The following OGFOD2 variants were observed in gnomAD, a reference collection of about 807,000 sequenced individuals.
The protein encoded by OGFOD2 is 2-oxoglutarate and iron dependent oxygenase domain containing 2, also known as 2-oxoglutarate and iron-dependent oxygenase domain-containing protein 2.
In OGFOD2, 34 loss-of-function variants were observed where a neutral mutation model predicts 31.1. That is an observed-to-expected ratio of 1.09 (90% CI 0.83 to 1.45). OGFOD2 has a LOEUF of 1.45. Ranked by LOEUF, OGFOD2 falls within the 40% of genes most tolerant of loss-of-function variation. The probability of loss-of-function intolerance (pLI) is 0.00; values close to 1 mark genes in which losing one functional copy is unlikely to be tolerated. For missense variants in OGFOD2, 537 were observed against 433.9 expected, an observed-to-expected ratio of 1.24 and a Z score of -2.11; for synonymous variants, 240 against 192.3, an observed-to-expected ratio of 1.25 and a Z score of -2.05.
At chr12:122,975,109 G>C, upstream of OGFOD2, 1 of 509,178 alleles carries the variant, frequency 2.0e-6, no homozygotes, top group Non-Finnish European at 3.6e-6. Flanking sequence ...TCCGCAGACC[G>C]TTTCCTGGCG....
chr12:122,978,456 T>C (rs2037497156), exon 5 of OGFOD2: 1 of 1,613,592 alleles, frequency 6.2e-7, no homozygotes. Flanking sequence ...GAAGCGCATC[T>C]ACCGGGTGCC....
chr12:122,977,076 C>T, intron 4 of OGFOD2, 106 bp downstream of exon 4: 2 of 1,081,426 alleles, frequency 1.8e-6, no homozygotes, highest in East Asian at 2.5e-5. Context: ...CCTCCAAAAA[C>T]CAAACCAGCA....
At chr12:122,976,446 G>A (rs1185287208) in intron 2 of OGFOD2, 2 of 1,602,564 alleles carry the variant, frequency 1.2e-6, no homozygotes, top group South Asian at 2.2e-5. Context: ...GGTTGGGGCA[G>A]CCTGAAACAG....
At chr12:122,977,372 G>T in intron 4 of OGFOD2, 5 of 298,650 alleles carry the variant, frequency 1.7e-5, no homozygotes, top group South Asian at 1.5e-4. Flanking sequence ...GGAGGGAGCA[G>T]TTACCACCTG....
At chr12:122,980,014 C>T (rs949299100) in exon 7 of OGFOD2, 79 of 432,574 alleles carry the variant, frequency 1.8e-4, no homozygotes, top group African/African-American at 1.5e-3. Context: ...GAGTCAAATG[C>T]GCTGACGTAT....
chr12:122,976,357 T>C, intron 2 of OGFOD2: 1 of 1,613,302 alleles, frequency 6.2e-7, no homozygotes. Context: ...ACACAGGACT[T>C]GGCCATGACT....
intron 4 of OGFOD2, 22 bp from the exon 5 acceptor site, chr12:122,978,420 C>A (rs774314066): frequency 6.2e-7 from 1 of 1,611,534 alleles, no homozygotes; most frequent in Non-Finnish European, 8.5e-7. Flanking sequence ...TTCAGGCCAA[C>A]AGACCATCCC....
At chr12:122,979,488 A>G in exon 7 of OGFOD2, 1 of 1,076,448 alleles carries the variant, frequency 9.3e-7, no homozygotes, top group South Asian at 1.7e-5. Flanking sequence ...ATGGGCAAAG[A>G]TGCTGCCTTA....
rs900387174 is a variant in OGFOD2 at position 122,975,850 on chromosome 12, C to T, written c.172C>T (p.Gln58Ter). The change falls in exon 2 of 7, where the codon CAG becomes TAG. Residue 58 changes from glutamine to a stop codon, truncating the protein, a stop_gained. Transcript: ENST00000228922. LOFTEE classifies it high-confidence loss of function. ...AGGCTGTGTTAGCGCCAAGGACTTC[C>T]AGCAGCTGTTAGCAGAGGTACCAGT... The T allele has an allele frequency of 4.1e-5, 29 of 702,876 alleles. No homozygotes were observed. The highest frequency in any genetic ancestry group is 2.3e-4 in the Middle Eastern group (1 of 4,392). The allele number at this position is 702,876 out of a possible 1,614,324, so 43.5% of individuals were successfully genotyped here.
chr12:122,975,691 T>G, intron 1 of OGFOD2, 120 bp from the exon 2 acceptor site: 1 of 658,290 alleles, frequency 1.5e-6, no homozygotes. Context: ...GTTCATTCTC[T>G]CCATGATCCT....
At chr12:122,977,134 GCATT>G in intron 4 of OGFOD2, 164 bp downstream of exon 4, 1 of 695,232 alleles carries the variant, frequency 1.4e-6, no homozygotes, top group East Asian at 2.7e-5. Context: ...CAGGACATCC[GCATT>G]CATTCATTCA....
chr12:122,978,078 T>G (rs961602747), intron 4 of OGFOD2: 1 of 181,192 alleles, frequency 5.5e-6, no homozygotes, highest in Non-Finnish European at 1.2e-5. Context: ...CGGTGGCTCA[T>G]CAGATGAAAG....
chr12:122,976,896 TG>T lies in OGFOD2; in HGVS notation c.331del (p.Ala111ProfsTer2). On this transcript the variant is annotated frameshift_variant, in exon 4 of 7. Transcript: ENST00000228922. LOFTEE classifies it high-confidence loss of function. ...GATGCAGCTCTGGCCCCCGAGTTCCTGGCCGTGACTGAGTACAGCGTGTCCC... is the reference window on the plus strand; with the variant it reads ...GATGCAGCTCTGGCCCCCGAGTTCCTGCCGTGACTGAGTACAGCGTGTCCC... 1 of 1,609,080 alleles carries T rather than the reference TG, an allele frequency of 6.2e-7. No homozygotes were observed. Among genetic ancestry groups the T allele is most frequent in the Non-Finnish European group, 8.5e-7 (1 of 1,176,228 alleles).
chr12:122,976,377 C>T (rs1230725562), intron 2 of OGFOD2: 6 of 1,613,730 alleles, frequency 3.7e-6, no homozygotes, highest in South Asian at 3.3e-5. Context: ...TGTCTCCTGT[C>T]CCTGTGTGGG....
At chr12:122,977,045 T>A (rs1371219281) in intron 4 of OGFOD2, 75 bp downstream of exon 4, 1 of 1,405,214 alleles carries the variant, frequency 7.1e-7, no homozygotes, top group African/African-American at 1.4e-5. Context: ...GATGCTGGGG[T>A]CCCTCCAGCC....
chr12:122,979,777 G>A (rs893507043), exon 7 of OGFOD2: 2 of 208,452 alleles, frequency 9.6e-6, no homozygotes, highest in African/African-American at 4.6e-5. Flanking sequence ...AGCCTCCAGA[G>A]AGCACAGATG....
intron 6 of OGFOD2, 27 bp downstream of exon 6, chr12:122,979,037 C>T (rs770787288): frequency 6.2e-7 from 1 of 1,606,456 alleles, no homozygotes; most frequent in Non-Finnish European, 8.5e-7. Flanking sequence ...TGCGGCAGGG[C>T]CTGGGGCAGC....
rs1334064793 is a variant in OGFOD2, at chr12:122,975,872, C to G, written c.189+5C>G. 1 of 702,628 alleles carries G rather than the reference C, an allele frequency of 1.4e-6. No individual in the cohort carries two copies. The highest frequency in any genetic ancestry group is 1.7e-5 in the African/African-American group (1 of 57,226). 43.5% of individuals were successfully genotyped at this position (702,628 alleles called of 1,614,324 possible). A position where few individuals can be genotyped will look rare whatever the true frequency, so the allele number is the denominator to read the frequency against. Reference sequence around the variant, plus strand: ...TTCCAGCAGCTGTTAGCAGAGGTACCAGTCCCCTGCCCCTGCACAGCTCCT... The same window carrying G: ...TTCCAGCAGCTGTTAGCAGAGGTACGAGTCCCCTGCCCCTGCACAGCTCCT... On this transcript the variant is annotated splice_donor_5th_base_variant and intron_variant, in intron 2 of 6. Coordinates refer to ENST00000228922, the Ensembl canonical transcript of OGFOD2.
chr12:122,977,152 C>T, intron 4 of OGFOD2, 182 bp downstream of exon 4: 1 of 667,756 alleles, frequency 1.5e-6, no homozygotes, highest in South Asian at 1.6e-5. Context: ...TCATTCAATA[C>T]CTGCCATGAG....
Sources: allele counts gnomAD v4.1 joint callset, GRCh38; gene constraint gnomAD v4.1.1; transcripts MANE v1.5; gene names NCBI Gene and HGNC (gene_info 2026-07-23, HGNC 2026-07-21).